TRIM71: variants seen among roughly 807,000 people sequenced by gnomAD.
TRIM71 encodes the protein E3 ubiquitin-protein ligase TRIM71.
A neutral mutation model predicts 61.2 loss-of-function variants in TRIM71; 9 were observed. That is an observed-to-expected ratio of 0.15 (90% CI 0.09 to 0.26). The LOEUF (loss-of-function observed/expected upper bound fraction) is 0.26, where lower values mean the gene tolerates loss of function less well. Ranked by LOEUF, TRIM71 falls within the 10% of genes least tolerant of loss-of-function variation. TRIM71 has a pLI of 1.00. For synonymous variants in TRIM71, 645 were observed against 553.2 expected, an observed-to-expected ratio of 1.17 and a Z score of -2.33; for missense variants, 998 against 1,238.7, an observed-to-expected ratio of 0.81 and a Z score of 2.92.
At chr3:32,842,335 A>T (rs533991333) in intron 1 of TRIM71, among the ~76,000 whole-genome samples, 1 of 152,172 alleles carries the variant, frequency 6.6e-6, no homozygotes, top group African/African-American at 2.4e-5. Context: ...TCCTTTCATG[A>T]CTCAAGCTTG....
rs567704373 is a variant in TRIM71, at chr3:32,865,601, A to G, written c.853-8217A>G. Among the ~76,000 whole-genome samples the G allele has an allele frequency of 2.0e-5, 3 of 152,058 alleles. No homozygotes were observed. The East Asian group carries it at 5.8e-4, about 29-fold the overall frequency. The stretch of plus-strand genomic sequence containing the variant: ...TCCTTAAGAGAGTCATTGCTGGGGG[A>G]AAATGATTTTCTTCCAGGATGAACT... On this transcript the variant is annotated intron_variant, in intron 1 of 3. Coordinates refer to ENST00000383763, the MANE Select transcript of TRIM71 (RefSeq NM_001039111.3).
intron 1 of TRIM71, among the ~76,000 whole-genome samples, chr3:32,862,574 C>A (rs1450991910): frequency 5.9e-5 from 9 of 152,240 alleles, no homozygotes; most frequent in African/African-American, 2.2e-4. Context: ...GTACCACTGA[C>A]TCTTGTCCAT....
intron 1 of TRIM71, among the ~76,000 whole-genome samples, chr3:32,864,776 C>A (rs1451536901): frequency 1.3e-5 from 2 of 152,228 alleles, no homozygotes; most frequent in East Asian, 1.9e-4. Flanking sequence ...CCTCTTCCCC[C>A]ACTTGGCATG....
chr3:32,818,975 C>T (rs1398882123), intron 1 of TRIM71, 43 bp downstream of exon 1: 2 of 1,593,078 alleles, frequency 1.3e-6, no homozygotes, highest in African/African-American at 2.7e-5. Context: ...CGGATAACTG[C>T]GTGTGTGCTC....
chr3:32,839,389 C>T (rs1169625238), intron 1 of TRIM71, among the ~76,000 whole-genome samples: 1 of 151,928 alleles, frequency 6.6e-6, no homozygotes. Flanking sequence ...TGCCACCACG[C>T]CAGGCTAATT....
intron 2 of TRIM71, among the ~76,000 whole-genome samples, chr3:32,874,505 G>A (rs934736206): frequency 3.9e-5 from 6 of 152,100 alleles, no homozygotes; most frequent in African/African-American, 1.4e-4. Flanking sequence ...TAGGATTACA[G>A]GCGTGCACCA....
chr3:32,832,518 C>G (rs1301376435), intron 1 of TRIM71, among the ~76,000 whole-genome samples: 1 of 152,046 alleles, frequency 6.6e-6, no homozygotes, highest in Non-Finnish European at 1.5e-5. Flanking sequence ...GAGTTTGAGG[C>G]TGAATGAACA....
chr3:32,887,886 A>G (rs1696978567), intron 3 of TRIM71, among the ~76,000 whole-genome samples: 1 of 152,200 alleles, frequency 6.6e-6, no homozygotes, highest in East Asian at 1.9e-4. Flanking sequence ...CTAAAGGGAA[A>G]GTCAGGTTGA....
chr3:32,823,936 G>A (rs1335536255), intron 1 of TRIM71, among the ~76,000 whole-genome samples: 6 of 152,050 alleles, frequency 3.9e-5, no homozygotes, highest in Admixed American at 2.6e-4. Context: ...TTAGCCAGGC[G>A]TGGTGGCGCG....
chr3:32,858,406 C>T (rs1696629978), intron 1 of TRIM71, among the ~76,000 whole-genome samples: 1 of 152,082 alleles, frequency 6.6e-6, no homozygotes, highest in African/African-American at 2.4e-5. Context: ...GTCTTAAATC[C>T]GATGTAAATA....
At chr3:32,823,250 A>G (rs545513575) in intron 1 of TRIM71, among the ~76,000 whole-genome samples, 26 of 152,222 alleles carry the variant, frequency 1.7e-4, no homozygotes, top group Non-Finnish European at 3.5e-4. Flanking sequence ...TGTGGGCTTA[A>G]GGTAGTTCCA....
At chr3:32,837,137 C>A (rs1172579774) in intron 1 of TRIM71, among the ~76,000 whole-genome samples, 1 of 152,170 alleles carries the variant, frequency 6.6e-6, no homozygotes, top group African/African-American at 2.4e-5. Context: ...CAAATGTAAT[C>A]ATTGTTAACA....
intron 1 of TRIM71, among the ~76,000 whole-genome samples, chr3:32,825,794 A>G (rs1373275254): frequency 6.6e-6 from 1 of 152,172 alleles, no homozygotes; most frequent in African/African-American, 2.4e-5. Flanking sequence ...TGACCTTTCA[A>G]GCATTGTGGC....
At chr3:32,835,121 A>AGGT (rs1388085452) in intron 1 of TRIM71, among the ~76,000 whole-genome samples, 1 of 152,172 alleles carries the variant, frequency 6.6e-6, no homozygotes, top group Non-Finnish European at 1.5e-5. Context: ...GATGAGAAGG[A>AGGT]GGTGATGTTA....
rs768518872 is a variant in TRIM71 at position 32,890,680 on chromosome 3, T to C, written c.1476T>C (p.Asp492=). Residue 492 remains aspartate (D), a synonymous_variant, in exon 4 of 4, where the codon GAT becomes GAC. Coordinates refer to ENST00000383763, the MANE Select transcript of TRIM71 (RefSeq NM_001039111.3). The surrounding 1 kb of genome is among the most constrained non-coding windows in gnomAD (Gnocchi z 6.2). ...AFAPLTKATG[D]GLKRALQGKV... is the part of the protein sequence containing the mutation. The stretch of plus-strand genomic sequence containing the variant: ...CCCCACTCACCAAGGCCACAGGCGA[T>C]GGCCTCAAGCGTGCCCTCCAGGGTA... The C allele has an allele frequency of 4.3e-6, 7 of 1,614,026 alleles. No individual in the cohort carries two copies. The highest frequency in any genetic ancestry group is 5.9e-6 in the Non-Finnish European group (7 of 1,180,042).
Position 32,890,963 on chromosome 3 carries a change from G to A in TRIM71, c.1759G>A (p.Val587Met), listed in dbSNP as rs201210605. 59 of 1,614,078 alleles carry A rather than the reference G, an allele frequency of 3.7e-5. No individual in the cohort carries two copies. The Admixed American group carries it at 6.5e-4, about 18-fold the overall frequency. The change falls in exon 4 of 4, where the codon GTG becomes ATG. Residue 587 changes from valine to methionine, a missense_variant. Around this residue, in one of 5 missense-constraint regions of TRIM71, gnomAD observed 291 missense variants for 431.2 expected, o/e 0.67. Coordinates refer to ENST00000383763, the MANE Select transcript of TRIM71 (RefSeq NM_001039111.3). This position sits in a 1 kb window ranked among gnomAD's most constrained non-coding sequence, Gnocchi z 6.2. ...GGTGGTCAAGTCAGGCCGCAGCTAC[G>A]TGGGCATTGGGCTCCCGGGCCTGAG... Reference protein sequence around the residue: ...KVVVKSGRSYVGIGLPGLSFG... With the variant: ...KVVVKSGRSYMGIGLPGLSFG...
At chr3:32,834,440 A>C (rs1317949985) in intron 1 of TRIM71, among the ~76,000 whole-genome samples, 4 of 152,194 alleles carry the variant, frequency 2.6e-5, no homozygotes, top group African/African-American at 9.7e-5. Context: ...ATTTAAGTAG[A>C]TTTTGTGTTA....
intron 1 of TRIM71, among the ~76,000 whole-genome samples, chr3:32,840,444 GT>G (rs1357249780): frequency 3.9e-5 from 6 of 152,118 alleles, no homozygotes; most frequent in African/African-American, 1.4e-4. Flanking sequence ...AAATTCAGAG[GT>G]TTTGGCCTAT....
chr3:32,852,569 C>A (rs1291820973), intron 1 of TRIM71, among the ~76,000 whole-genome samples: 2 of 152,050 alleles, frequency 1.3e-5, no homozygotes, highest in African/African-American at 2.4e-5. Context: ...GCTTGTTAAA[C>A]CCAGCAGGCA....
Sources: allele counts gnomAD v4.1 joint callset (sites outside exome capture counted in the v4.1 genomes callset), GRCh38; gene constraint gnomAD v4.1.1; regional missense constraint gnomAD v4.1.1; non-coding constraint Gnocchi (gnomAD v3.1); transcripts MANE v1.5; gene names NCBI Gene and HGNC (gene_info 2026-07-23, HGNC 2026-07-21).